Variants in STAG1 observed in about 807,000 individuals in gnomAD.
The protein encoded by STAG1 is cohesin subunit SA-1.
Under a neutral mutation model 170.9 loss-of-function variants are expected in STAG1, and 26 were observed. The observed-to-expected ratio is 0.15, with a 90% CI of 0.11 to 0.21. The LOEUF (loss-of-function observed/expected upper bound fraction) is 0.21. Among genes scored for constraint, STAG1 ranks in the 10% least tolerant of loss-of-function variants. STAG1 has a pLI of 1.00. For missense variants in STAG1, 964 were observed against 1,509.5 expected, an observed-to-expected ratio of 0.64 and a Z score of 5.99; for synonymous variants, 514 against 497.7, an observed-to-expected ratio of 1.03 and a Z score of -0.44.
intron 21 of STAG1, among the ~76,000 whole-genome samples, chr3:136,401,582 T>G (rs1473840925): frequency 6.6e-6 from 1 of 152,202 alleles, no homozygotes; most frequent in African/African-American, 2.4e-5. Flanking sequence ...GTAGTGGTTT[T>G]AATTTACATT....
At chr3:136,637,872 A>AT (rs769669998) in intron 1 of STAG1, among the ~76,000 whole-genome samples, 2,007 of 140,996 alleles carry the variant, frequency 0.014, 13 homozygotes, top group Non-Finnish European at 0.019. Context: ...GTGTGAACAC[A>AT]TTTTTTTTTT....
At chr3:136,714,065 G>T (rs1943456400) in intron 1 of STAG1, among the ~76,000 whole-genome samples, 1 of 151,782 alleles carries the variant, frequency 6.6e-6, no homozygotes, top group Non-Finnish European at 1.5e-5. Context: ...AATTAGCAGG[G>T]CAAGGTGGCT....
intron 3 of STAG1, among the ~76,000 whole-genome samples, chr3:136,618,800 C>G (rs753070426): frequency 2.6e-5 from 4 of 151,946 alleles, no homozygotes; most frequent in Non-Finnish European, 5.9e-5. Flanking sequence ...TTCATATTTT[C>G]ATAACTGTAC....
intron 16 of STAG1, among the ~76,000 whole-genome samples, chr3:136,432,526 G>A (rs966235409): frequency 3.6e-5 from 5 of 139,678 alleles, no homozygotes; most frequent in East Asian, 2.2e-4. Flanking sequence ...GGGGGGGGGG[G>A]GCACAGAGTC....
chr3:136,635,466 T>C (rs1185113570), intron 1 of STAG1, among the ~76,000 whole-genome samples: 2 of 152,072 alleles, frequency 1.3e-5, no homozygotes, highest in African/African-American at 2.4e-5. Context: ...AGGGGAACAT[T>C]CTCAACTCGA....
chr3:136,599,884 T>TA (rs1938590955), intron 4 of STAG1, among the ~76,000 whole-genome samples: 2 of 152,360 alleles, frequency 1.3e-5, no homozygotes, highest in African/African-American at 4.8e-5. Context: ...ATCTTCAACA[T>TA]ACATATTCAT....
chr3:136,525,431 C>T (rs961270851), intron 6 of STAG1, among the ~76,000 whole-genome samples: 5 of 152,016 alleles, frequency 3.3e-5, no homozygotes, highest in Admixed American at 1.3e-4. Flanking sequence ...TCTGTGGGAT[C>T]GGTGGTGATA....
intron 3 of STAG1, among the ~76,000 whole-genome samples, chr3:136,610,580 A>G (rs1939225963): frequency 6.6e-6 from 1 of 152,202 alleles, no homozygotes; most frequent in Non-Finnish European, 1.5e-5. Context: ...GATAGACTCA[A>G]GGAAAATTTG....
intron 6 of STAG1, among the ~76,000 whole-genome samples, chr3:136,538,287 TAC>T (rs1349108103): frequency 6.6e-6 from 1 of 152,186 alleles, no homozygotes; most frequent in Non-Finnish European, 1.5e-5. Context: ...AACAAGGGTA[TAC>T]ACTCAGTCTT....
intron 6 of STAG1, among the ~76,000 whole-genome samples, chr3:136,541,026 A>C (rs939197373): frequency 6.6e-6 from 1 of 151,762 alleles, no homozygotes; most frequent in African/African-American, 2.4e-5. Context: ...CTTTCTGTTA[A>C]TTTTCTTTAA....
chr3:136,614,651 T>C (rs1275780477), intron 3 of STAG1, among the ~76,000 whole-genome samples: 1 of 152,226 alleles, frequency 6.6e-6, no homozygotes, highest in East Asian at 1.9e-4. Context: ...TGTATCTACA[T>C]TTCTAGTAAA....
In STAG1 at chr3:136,447,259, C is replaced by T. The variant is rs183594710; in HGVS notation, c.1429-3855G>A. Among the ~76,000 whole-genome samples, 714 of 151,698 alleles carry T rather than the reference C, an allele frequency of 4.7e-3. 3 individuals carry two copies. The highest frequency in any genetic ancestry group is 8.4e-3 in the Non-Finnish European group (567 of 67,842). On this transcript the variant is annotated intron_variant, in intron 14 of 33. Transcript: ENST00000383202. ...CAGCACTTTGGGGGGCCAAGGCGGG[C>T]AGCAAGAGATCGAGACCATCTGGCC...
At chr3:136,467,809 C>T (rs577189633) in intron 12 of STAG1, among the ~76,000 whole-genome samples, 2 of 152,194 alleles carry the variant, frequency 1.3e-5, no homozygotes, top group Non-Finnish European at 2.9e-5. Context: ...AACAAACTGT[C>T]TCTCAGACCA....
chr3:136,473,804 A>T (rs1297179399), intron 10 of STAG1, among the ~76,000 whole-genome samples, 167 bp from the exon 11 acceptor site: 1 of 119,626 alleles, frequency 8.4e-6, no homozygotes, highest in African/African-American at 2.7e-5. Flanking sequence ...CCTTATATGT[A>T]AAAAAAAAAA....
At chr3:136,510,591 C>T (rs970211401) in intron 7 of STAG1, among the ~76,000 whole-genome samples, 7 of 150,698 alleles carry the variant, frequency 4.6e-5, no homozygotes, top group Non-Finnish European at 1.0e-4. Context: ...TGAGTTCTCA[C>T]GAGATCTGAT....
chr3:136,541,538 T>TCACACACACACACACACTCACACACA (rs34969907), intron 6 of STAG1, among the ~76,000 whole-genome samples: 3,962 of 123,122 alleles, frequency 0.032, 161 homozygotes, highest in Non-Finnish European at 0.044. Flanking sequence ...AGCTTAACAT[T>TCACACACACACACACACTCACACACA]CACACACACA....
intron 9 of STAG1, among the ~76,000 whole-genome samples, chr3:136,496,915 A>G (rs540333847): frequency 7.9e-5 from 12 of 151,854 alleles, no homozygotes; most frequent in African/African-American, 2.7e-4. Context: ...AAGGAGTGGG[A>G]GAGAGAGAGG....
intron 21 of STAG1, among the ~76,000 whole-genome samples, chr3:136,413,678 G>A (rs377759997): frequency 6.6e-6 from 1 of 151,972 alleles, no homozygotes; most frequent in Non-Finnish European, 1.5e-5. Context: ...GGCTGGTCTC[G>A]AACTTCTGGT....
chr3:136,397,690 G>C (rs7625592), intron 22 of STAG1, among the ~76,000 whole-genome samples: 16 of 151,892 alleles, frequency 1.1e-4, no homozygotes, highest in African/African-American at 4.8e-5. Flanking sequence ...GGGAGATGTG[G>C]CCACCTATGA....
Sources: gnomAD v4.1 joint callset for allele counts (sites outside exome capture counted in the v4.1 genomes callset) on GRCh38, gnomAD v4.1.1 for gene constraint, MANE v1.5 for transcripts, NCBI Gene and HGNC (gene_info 2026-07-23, HGNC 2026-07-21) for gene names.